Variants in ADAMTS3 observed in about 807,000 individuals in gnomAD.
The protein encoded by ADAMTS3 is A disintegrin and metalloproteinase with thrombospondin motifs 3.
A neutral mutation model predicts 129.0 loss-of-function variants in ADAMTS3; 73 were observed. That is an observed-to-expected ratio of 0.57 (90% CI 0.47 to 0.69). The LOEUF is 0.69. ADAMTS3 is among the 30% of genes least tolerant of loss of function. The probability of loss-of-function intolerance (pLI) is 0.00; values close to 1 mark genes in which losing one functional copy is unlikely to be tolerated. For synonymous variants in ADAMTS3, 477 were observed against 510.8 expected (o/e 0.93, Z 0.89); for missense variants, 1,457 against 1,514.5 (o/e 0.96, Z 0.63).
At chr4:72,290,420 C>T (rs1445936343) in intron 20 of ADAMTS3, among the ~76,000 whole-genome samples, 1 of 152,040 alleles carries the variant, frequency 6.6e-6, no homozygotes. Context: ...GAGTACAAGT[C>T]AGCTGAAAGG....
intron 3 of ADAMTS3, among the ~76,000 whole-genome samples, chr4:72,522,865 T>C (rs1354903917): frequency 6.6e-6 from 1 of 152,140 alleles, no homozygotes; most frequent in African/African-American, 2.4e-5. Flanking sequence ...GAAAGAAATA[T>C]CTAAGACTGA....
intron 4 of ADAMTS3, among the ~76,000 whole-genome samples, chr4:72,398,576 AATAAATAAATAAATACATACATAC>A (rs1721788172): frequency 6.6e-6 from 1 of 152,102 alleles, no homozygotes; most frequent in Non-Finnish European, 1.5e-5. Flanking sequence ...CTCCATCTAA[AATAAATAAATAAATACATACATAC>A]ATAAATAAAA....
chr4:72,521,144 C>T (rs1329684446), intron 3 of ADAMTS3, among the ~76,000 whole-genome samples: 1 of 151,922 alleles, frequency 6.6e-6, no homozygotes, highest in Non-Finnish European at 1.5e-5. Flanking sequence ...ACTACAGGTT[C>T]CTGCCACCAC....
At chr4:72,414,706 C>T (rs558783189) in intron 4 of ADAMTS3, 109 bp downstream of exon 4, 49 of 850,240 alleles carry the variant, frequency 5.8e-5, no homozygotes, top group Admixed American at 4.7e-4. Flanking sequence ...TTTCTATCTC[C>T]GCGTTATACA....
chr4:72,512,525 A>G (rs1720343212), intron 3 of ADAMTS3, among the ~76,000 whole-genome samples: 1 of 152,156 alleles, frequency 6.6e-6, no homozygotes, highest in African/African-American at 2.4e-5. Flanking sequence ...AATAAGACTT[A>G]CTATTTGATA....
intron 4 of ADAMTS3, among the ~76,000 whole-genome samples, chr4:72,344,253 G>A (rs901012947): frequency 1.3e-5 from 2 of 152,008 alleles, no homozygotes; most frequent in African/African-American, 4.8e-5. Context: ...ATATTTTTAG[G>A]AGAATGACAT....
intron 12 of ADAMTS3, among the ~76,000 whole-genome samples, chr4:72,312,920 C>T (rs1387026527): frequency 6.6e-6 from 1 of 152,108 alleles, no homozygotes; most frequent in African/African-American, 2.4e-5. Context: ...TAAAGCACTC[C>T]TAACAACTCT....
Position 72,319,368 on chromosome 4 carries a change from G to A in ADAMTS3, c.1316C>T (p.Ser439Phe), listed in dbSNP as rs1174986804. 1.2e-6 allele frequency: 2 copies of A among 1,613,848 alleles called. No individual in the cohort carries two copies. The highest frequency in any genetic ancestry group is 3.3e-5 in the Admixed American group (2 of 59,996). The stretch of plus-strand genomic sequence containing the variant: ...TTTCAGTTCTTGACCACTGCATCGG[G>A]ACCAGTGGTAACGATGGAATGCTGC... Reference protein sequence around the residue: ...VQAAFHRYHWSRCSGQELKRY... With the variant: ...VQAAFHRYHWFRCSGQELKRY... Residue 439 changes from serine to phenylalanine, a missense_variant, in exon 9 of 22, where the codon TCC becomes TTC. By Grantham distance (155) the Ser-to-Phe change is radical (BLOSUM62 -2). Transcript: ENST00000286657.
chr4:72,488,051 T>C (rs1479838303), intron 3 of ADAMTS3, among the ~76,000 whole-genome samples: 3 of 152,066 alleles, frequency 2.0e-5, no homozygotes, highest in African/African-American at 7.2e-5. Context: ...CTATGCATAT[T>C]ATTCAAGCCA....
chr4:72,518,895 T>G (rs867383420), intron 3 of ADAMTS3, among the ~76,000 whole-genome samples: 33 of 152,076 alleles, frequency 2.2e-4, no homozygotes, highest in African/African-American at 7.0e-4. Context: ...GTTAGCTGCT[T>G]ATTTTGCTCA....
chr4:72,520,724 AT>A (rs1284159049), intron 3 of ADAMTS3, among the ~76,000 whole-genome samples: 1 of 151,884 alleles, frequency 6.6e-6, no homozygotes, highest in Non-Finnish European at 1.5e-5. Context: ...GATTGACCCG[AT>A]TTTCCAGGTG....
intron 11 of ADAMTS3, among the ~76,000 whole-genome samples, chr4:72,314,554 C>T (rs1016476647): frequency 6.6e-6 from 1 of 152,112 alleles, no homozygotes; most frequent in Non-Finnish European, 1.5e-5. Flanking sequence ...ACACTACGTA[C>T]AATAAAAGCA....
intron 3 of ADAMTS3, among the ~76,000 whole-genome samples, chr4:72,502,122 G>A (rs930026544): frequency 2.6e-5 from 4 of 152,098 alleles, no homozygotes; most frequent in Admixed American, 2.6e-4. Context: ...GGTAATGCTG[G>A]CTTTATAGAA....
intron 3 of ADAMTS3, among the ~76,000 whole-genome samples, chr4:72,514,952 A>G (rs1007081002): frequency 6.6e-6 from 1 of 152,110 alleles, no homozygotes; most frequent in Non-Finnish European, 1.5e-5. Context: ...GTCATGTAGC[A>G]TTAGGTATAT....
intron 3 of ADAMTS3, among the ~76,000 whole-genome samples, chr4:72,467,640 C>T (rs1451057012): frequency 1.3e-5 from 2 of 151,996 alleles, no homozygotes; most frequent in East Asian, 3.9e-4. Context: ...TCCCAGCACC[C>T]CAAACTCTCT....
chr4:72,378,856 T>G (rs1035507248), intron 4 of ADAMTS3, among the ~76,000 whole-genome samples: 2 of 152,156 alleles, frequency 1.3e-5, no homozygotes, highest in South Asian at 2.1e-4. Context: ...ACGTCAGCCA[T>G]GCTGAGAGGG....
At chr4:72,294,380 A>G (rs1332273939) in intron 19 of ADAMTS3, among the ~76,000 whole-genome samples, 1 of 152,098 alleles carries the variant, frequency 6.6e-6, no homozygotes, top group Non-Finnish European at 1.5e-5. Flanking sequence ...AGATCTACTG[A>G]ACAGCATAGT....
rs576572907 is a variant in ADAMTS3, at chr4:72,397,887, C to A, written c.661+16928G>T. Among the ~76,000 whole-genome samples the A allele has an allele frequency of 6.6e-5, 10 of 152,084 alleles. No individual in the cohort carries two copies. The East Asian group carries it at 1.7e-3, about 27-fold the overall frequency. ...GACCATGGATATTCAGTGAACATACCTGAAGCTACAAAAAGAGCATCCCTT... is the reference window on the plus strand; with the variant it reads ...GACCATGGATATTCAGTGAACATACATGAAGCTACAAAAAGAGCATCCCTT... On this transcript the variant is annotated intron_variant, in intron 4 of 21. Transcript: ENST00000286657.
At chr4:72,537,787 T>C (rs1173081195) in intron 3 of ADAMTS3, among the ~76,000 whole-genome samples, 1 of 152,122 alleles carries the variant, frequency 6.6e-6, no homozygotes, top group African/African-American at 2.4e-5. Flanking sequence ...AAACAATAGA[T>C]ACGGTTCCTA....
Sources: gnomAD v4.1 joint callset for allele counts (sites outside exome capture counted in the v4.1 genomes callset) on GRCh38, gnomAD v4.1.1 for gene constraint, MANE v1.5 for transcripts, NCBI Gene and HGNC (gene_info 2026-07-23, HGNC 2026-07-21) for gene names.